The following CDH12 variants were observed in gnomAD, a reference collection of about 807,000 sequenced individuals.
CDH12 encodes cadherin-12.
CDH12 carries 41 observed loss-of-function variants against 74.1 expected under a neutral mutation model. That is an observed-to-expected ratio of 0.55 (90% CI 0.43 to 0.72). CDH12 has a LOEUF of 0.72. Ranked by LOEUF, CDH12 falls within the 30% of genes least tolerant of loss-of-function variation. The pLI is 0.00. For synonymous variants in CDH12, 399 were observed against 355.0 expected (o/e 1.12, Z -1.39); for missense variants, 945 against 977.2 (o/e 0.97, Z 0.44).
chr5:22,658,086 T>G (rs1416879371), intron 1 of CDH12, among the ~76,000 whole-genome samples: 2 of 152,190 alleles, frequency 1.3e-5, no homozygotes, highest in African/African-American at 4.8e-5. Context: ...TAGTGATAGC[T>G]TTTGCATATG....
intron 1 of CDH12, among the ~76,000 whole-genome samples, chr5:22,702,526 T>C (rs1742769520): frequency 6.6e-6 from 1 of 152,136 alleles, no homozygotes; most frequent in East Asian, 1.9e-4. Context: ...TTGGAATCTC[T>C]TCCTCTCTCT....
chr5:22,670,260 C>G (rs1740837353), intron 1 of CDH12, among the ~76,000 whole-genome samples: 1 of 152,108 alleles, frequency 6.6e-6, no homozygotes, highest in South Asian at 2.1e-4. Context: ...CTCAAGCATT[C>G]CCACTACCTC....
chr5:22,747,462 A>C (rs1745350039), intron 1 of CDH12, among the ~76,000 whole-genome samples: 1 of 142,480 alleles, frequency 7.0e-6, no homozygotes, highest in Non-Finnish European at 1.5e-5. Flanking sequence ...TGTCTGTACA[A>C]AAAAAAAAAA....
intron 6 of CDH12, among the ~76,000 whole-genome samples, chr5:21,885,212 C>T (rs1752566052): frequency 6.6e-6 from 1 of 152,122 alleles, no homozygotes; most frequent in African/African-American, 2.4e-5. Flanking sequence ...AAGCACATTC[C>T]TTGTTTTAAC....
chr5:22,569,526 C>A (rs183483747), intron 1 of CDH12, among the ~76,000 whole-genome samples: 2 of 152,286 alleles, frequency 1.3e-5, no homozygotes, highest in African/African-American at 4.8e-5. Context: ...TTTATAGCAA[C>A]ACAAGAATGG....
intron 5 of CDH12, among the ~76,000 whole-genome samples, chr5:21,981,324 A>G (rs1222986381): frequency 6.6e-6 from 1 of 152,022 alleles, no homozygotes; most frequent in Non-Finnish European, 1.5e-5. Flanking sequence ...ATTCATAATA[A>G]AAGTATATAG....
chr5:22,786,147 A>C (rs1295869255), intron 1 of CDH12, among the ~76,000 whole-genome samples: 1 of 152,188 alleles, frequency 6.6e-6, no homozygotes, highest in East Asian at 1.9e-4. Flanking sequence ...AAAAAGAATG[A>C]TATAATGTCC....
intron 3 of CDH12, among the ~76,000 whole-genome samples, chr5:22,268,537 A>G (rs535376195): frequency 6.6e-6 from 1 of 152,226 alleles, no homozygotes; most frequent in African/African-American, 2.4e-5. Flanking sequence ...ATTGAAGAGG[A>G]TGAAACTTGA....
chr5:22,630,316 G>C (rs906835917), intron 1 of CDH12, among the ~76,000 whole-genome samples: 4 of 151,992 alleles, frequency 2.6e-5, no homozygotes, highest in Non-Finnish European at 4.4e-5. Context: ...GCAATCCTAA[G>C]TAAAAGGAAC....
chr5:22,216,896 A>G (rs1751825021), intron 3 of CDH12, among the ~76,000 whole-genome samples: 1 of 151,848 alleles, frequency 6.6e-6, no homozygotes, highest in South Asian at 2.1e-4. Flanking sequence ...TCATTGGAAA[A>G]TTTGAGGAAA....
intron 3 of CDH12, among the ~76,000 whole-genome samples, chr5:22,305,530 G>A (rs1366761127): frequency 2.0e-5 from 3 of 150,646 alleles, no homozygotes; most frequent in Non-Finnish European, 4.5e-5. Context: ...GAGATAGAAT[G>A]ACCCATCTTC....
chr5:21,953,336 A>G (rs4028770), intron 6 of CDH12, among the ~76,000 whole-genome samples: 1 of 152,188 alleles, frequency 6.6e-6, no homozygotes, highest in African/African-American at 2.4e-5. Flanking sequence ...ATTACCTGCA[A>G]TTGGTTGTCT....
intron 1 of CDH12, among the ~76,000 whole-genome samples, chr5:22,837,311 G>A (rs1361982826): frequency 6.6e-6 from 1 of 152,082 alleles, no homozygotes; most frequent in Non-Finnish European, 1.5e-5. Flanking sequence ...TGAAGGCTGA[G>A]GCAGGAGGAT....
At chr5:22,493,235 A>G (rs444934) in intron 2 of CDH12, among the ~76,000 whole-genome samples, 143,032 of 152,222 alleles carry the variant, frequency 0.94, 67,292 homozygotes, top group Admixed American at 0.97. Flanking sequence ...TAATACATCA[A>G]CTTCCTTGAT....
intron 2 of CDH12, among the ~76,000 whole-genome samples, chr5:22,447,717 C>A (rs1192683309): frequency 6.6e-6 from 1 of 151,974 alleles, no homozygotes; most frequent in East Asian, 1.9e-4. Context: ...TTGCTAGCTT[C>A]TCAATTTCCC....
At chr5:22,519,959 G>A (rs1249430237) in intron 1 of CDH12, among the ~76,000 whole-genome samples, 5 of 151,980 alleles carry the variant, frequency 3.3e-5, no homozygotes, top group African/African-American at 1.2e-4. Context: ...TAAAATAATA[G>A]ACTTGTTTTT....
intron 5 of CDH12, among the ~76,000 whole-genome samples, chr5:22,046,268 A>G (rs1049503519): frequency 6.6e-6 from 1 of 152,178 alleles, no homozygotes; most frequent in Non-Finnish European, 1.5e-5. Context: ...GTTTTACAGC[A>G]CATGAAAACT....
intron 2 of CDH12, among the ~76,000 whole-genome samples, chr5:22,432,380 T>C (rs565873327): frequency 5.9e-5 from 9 of 152,164 alleles, no homozygotes; most frequent in Admixed American, 1.3e-4. Context: ...TCTCAGAACG[T>C]ATCTCTGTCT....
intron 2 of CDH12, among the ~76,000 whole-genome samples, chr5:22,483,690 G>A (rs1580695366): frequency 7.6e-6 from 1 of 131,296 alleles, no homozygotes; most frequent in East Asian, 2.3e-4. Flanking sequence ...GCCTATCCAG[G>A]TTGAAACCAG....
Sources: gnomAD v4.1 joint callset for allele counts (sites outside exome capture counted in the v4.1 genomes callset) on GRCh38, gnomAD v4.1.1 for gene constraint, MANE v1.5 for transcripts, NCBI Gene and HGNC (gene_info 2026-07-23, HGNC 2026-07-21) for gene names.